The following CCDC60 variants were observed in gnomAD, a reference collection of about 807,000 sequenced individuals.
CCDC60 encodes the protein coiled-coil domain-containing protein 60.
A neutral mutation model predicts 63.5 loss-of-function variants in CCDC60; 54 were observed. The ratio of observed to expected loss-of-function variants is 0.85; its 90% CI spans 0.68 to 1.07. The LOEUF is 1.07. Ranked by LOEUF, CCDC60 falls within the 50% of genes least tolerant of loss-of-function variation. CCDC60 has a pLI of 0.00. For missense variants in CCDC60, 651 were observed against 684.3 expected, an observed-to-expected ratio of 0.95 and a Z score of 0.54; for synonymous variants, 206 against 238.8, an observed-to-expected ratio of 0.86 and a Z score of 1.27.
chr12:119,520,080 T>C, intron 8 of CCDC60, 41 bp from the exon 9 acceptor site: 2 of 1,579,394 alleles, frequency 1.3e-6, no homozygotes, highest in South Asian at 1.1e-5. Context: ...AAAATCTTCA[T>C]GAATTCAGCG....
chr12:119,408,690 G>A (rs146753149), intron 1 of CCDC60, among the ~76,000 whole-genome samples: 2,697 of 152,236 alleles, frequency 0.018, 33 homozygotes, highest in Middle Eastern at 0.11. Flanking sequence ...GCCAGGCGTG[G>A]TGGCGGGCGC....
At chr12:119,375,843 G>A (rs570607992) in intron 1 of CCDC60, among the ~76,000 whole-genome samples, 9 of 152,266 alleles carry the variant, frequency 5.9e-5, no homozygotes, top group South Asian at 2.1e-4. Context: ...GACAGTTTTC[G>A]AAATGAATCA....
At position 119,420,005 on chromosome 12, in the gene CCDC60, T is replaced by C. The variant is rs896725326; in HGVS notation, c.91-8678T>C. 2.7e-5 allele frequency among the ~76,000 whole-genome samples: 4 copies of C among 150,782 alleles called. No individual in the cohort carries two copies. Among genetic ancestry groups the C allele is most frequent in the Admixed American group, 6.6e-5 (1 of 15,070 alleles). ...CATTCTCCTGCCTCAGCCTCCCGAG[T>C]AGCTGGGACTACAGGCACCCACCAC... On this transcript the variant is annotated intron_variant, in intron 1 of 13. Transcript: ENST00000327554. This position sits in a 1 kb window ranked among gnomAD's most constrained non-coding sequence, Gnocchi z 4.1.
At chr12:119,467,046 C>T (rs1208931833) in intron 2 of CCDC60, among the ~76,000 whole-genome samples, 1 of 152,230 alleles carries the variant, frequency 6.6e-6, no homozygotes, top group Non-Finnish European at 1.5e-5. Flanking sequence ...GCATAAACTA[C>T]CGCTTATTCT....
At chr12:119,426,879 C>G (rs997461610) in intron 1 of CCDC60, among the ~76,000 whole-genome samples, 9 of 152,192 alleles carry the variant, frequency 5.9e-5, no homozygotes, top group African/African-American at 1.4e-4. Context: ...AACTTTGAAA[C>G]AACAATGCTT....
chr12:119,505,422 C>A (rs1951971336), intron 7 of CCDC60, 119 bp downstream of exon 7: 1 of 648,618 alleles, frequency 1.5e-6, no homozygotes, highest in Non-Finnish European at 2.7e-6. Flanking sequence ...TGGGATCCCG[C>A]ATCCTTGTTC....
At chr12:119,540,474 C>T in intron 13 of CCDC60, 140 bp from the exon 14 acceptor site, 1 of 671,748 alleles carries the variant, frequency 1.5e-6, no homozygotes. Context: ...TCTGATGCTC[C>T]AAGATTATGA....
chr12:119,346,791 T>A (rs988907849), intron 1 of CCDC60, among the ~76,000 whole-genome samples: 1 of 104,276 alleles, frequency 9.6e-6, no homozygotes, highest in South Asian at 3.0e-4. Flanking sequence ...TTTCTTTCTT[T>A]CTTTCTTTCT....
intron 1 of CCDC60, among the ~76,000 whole-genome samples, chr12:119,382,345 G>A (rs7136758): frequency 0.058 from 8,830 of 152,276 alleles, 303 homozygotes; most frequent in Non-Finnish European, 0.071. Flanking sequence ...GACAGCCAGC[G>A]CACTGGTCAC....
chr12:119,348,521 C>A (rs1303651980), intron 1 of CCDC60, among the ~76,000 whole-genome samples: 1 of 152,114 alleles, frequency 6.6e-6, no homozygotes, highest in Non-Finnish European at 1.5e-5. Flanking sequence ...GTTTTGAGTC[C>A]CAATTCTGAT....
chr12:119,366,081 A>G (rs938079824), intron 1 of CCDC60, among the ~76,000 whole-genome samples: 1 of 152,170 alleles, frequency 6.6e-6, no homozygotes, highest in Non-Finnish European at 1.5e-5. Context: ...ACATACACAC[A>G]CTGTGCTAAG....
intron 1 of CCDC60, among the ~76,000 whole-genome samples, chr12:119,363,443 GT>G (rs1955811623): frequency 6.6e-6 from 1 of 152,054 alleles, no homozygotes; most frequent in African/African-American, 2.4e-5. Flanking sequence ...GTGTGTGTGT[GT>G]GTATTCACGA....
Position 119,357,729 on chromosome 12 carries a change from C to T in CCDC60, c.90+22463C>T, listed in dbSNP as rs539026073. ...TCGGCCTCCCAAAGTGCTGGGATTA[C>T]AGGGGTGAGCCACCGTGCCTGGCTG... On this transcript the variant is annotated intron_variant, in intron 1 of 13. Coordinates refer to ENST00000327554, the MANE Select transcript of CCDC60 (RefSeq NM_178499.5). Among the ~76,000 whole-genome samples, 2 of 152,222 alleles carry T rather than the reference C, an allele frequency of 1.3e-5. 1 individual carries two copies. Among genetic ancestry groups the T allele is most frequent in the African/African-American group, 4.8e-5 (2 of 41,456 alleles).
At chr12:119,489,805 CT>C (rs764715710) in intron 5 of CCDC60, among the ~76,000 whole-genome samples, 358 of 143,926 alleles carry the variant, frequency 2.5e-3, no homozygotes, top group Middle Eastern at 7.3e-3. Context: ...AAACCTGAGT[CT>C]TTTTTTTTTT....
At chr12:119,336,073 A>G (rs2136137041) in intron 1 of CCDC60, among the ~76,000 whole-genome samples, 1 of 122,416 alleles carries the variant, frequency 8.2e-6, no homozygotes, top group South Asian at 2.6e-4. Context: ...GAAGGGGAAC[A>G]TCACACTCTG....
At chr12:119,397,613 C>T (rs1487328886) in intron 1 of CCDC60, among the ~76,000 whole-genome samples, 1 of 148,538 alleles carries the variant, frequency 6.7e-6, no homozygotes, top group Non-Finnish European at 1.5e-5. Context: ...CATAAAAGTT[C>T]TCCAAGTCCC....
At chr12:119,381,537 C>G (rs1956007726) in intron 1 of CCDC60, among the ~76,000 whole-genome samples, 1 of 152,190 alleles carries the variant, frequency 6.6e-6, no homozygotes, top group Admixed American at 6.5e-5. Flanking sequence ...AAAACCAGAT[C>G]CTCAGTGTGA....
At chr12:119,479,481 C>T (rs1951252472) in intron 4 of CCDC60, 2 of 390,474 alleles carry the variant, frequency 5.1e-6, no homozygotes, top group Admixed American at 7.7e-5. Flanking sequence ...TAAAATCTGT[C>T]TACAGCCCTC....
chr12:119,437,695 T>C (rs577566444), intron 2 of CCDC60, among the ~76,000 whole-genome samples: 2 of 152,222 alleles, frequency 1.3e-5, no homozygotes, highest in Non-Finnish European at 2.9e-5. Context: ...CGCACATCCA[T>C]AGCCAGTAGC....
Sources: allele counts gnomAD v4.1 joint callset (sites outside exome capture counted in the v4.1 genomes callset), GRCh38; gene constraint gnomAD v4.1.1; non-coding constraint Gnocchi (gnomAD v3.1); transcripts MANE v1.5; gene names NCBI Gene and HGNC (gene_info 2026-07-23, HGNC 2026-07-21).